Variants in PEAK1 observed in about 807,000 individuals in gnomAD.
PEAK1 encodes the protein inactive tyrosine-protein kinase PEAK1.
Under a neutral mutation model 124.7 loss-of-function variants are expected in PEAK1, and 54 were observed. That is an observed-to-expected ratio of 0.43 (90% CI 0.35 to 0.54). The LOEUF is 0.54. PEAK1 is among the 20% of genes least tolerant of loss of function. The pLI, the probability that PEAK1 is intolerant of heterozygous loss-of-function variation, is 0.01. For synonymous variants in PEAK1, 719 were observed against 760.0 expected (o/e 0.95, Z 0.89); for missense variants, 2,046 against 2,134.5 (o/e 0.96, Z 0.82).
intron 5 of PEAK1, among the ~76,000 whole-genome samples, chr15:77,282,577 G>T (rs2062728288): frequency 6.6e-6 from 1 of 152,150 alleles, no homozygotes; most frequent in Non-Finnish European, 1.5e-5. Flanking sequence ...GTTGACTCTA[G>T]ATCAGGAATT....
intron 2 of PEAK1, among the ~76,000 whole-genome samples, chr15:77,306,721 TC>T (rs891501636): frequency 5.9e-5 from 9 of 152,118 alleles, no homozygotes; most frequent in Admixed American, 1.3e-4. Flanking sequence ...ACCAAAGGCA[TC>T]CCAATTCCAA....
intron 2 of PEAK1, among the ~76,000 whole-genome samples, chr15:77,340,665 G>C (rs1367281209): frequency 6.6e-6 from 1 of 152,114 alleles, no homozygotes; most frequent in Non-Finnish European, 1.5e-5. Context: ...ATCAATATTG[G>C]TTCATTAATT....
chr15:77,231,678 T>C (rs1321986351), intron 6 of PEAK1, among the ~76,000 whole-genome samples: 1 of 152,140 alleles, frequency 6.6e-6, no homozygotes, highest in Non-Finnish European at 1.5e-5. Flanking sequence ...GATTCAAACC[T>C]CCAGAAATAA....
intron 2 of PEAK1, 128 bp from the exon 3 acceptor site, chr15:77,286,632 A>AT: frequency 2.2e-6 from 1 of 449,956 alleles, no homozygotes; most frequent in East Asian, 3.6e-5. Context: ...TGATGAACTT[A>AT]TTTTTAAGCT....
intron 1 of PEAK1, chr15:77,370,876 A>G (rs2068588285): frequency 2.0e-6 from 1 of 491,220 alleles, no homozygotes; most frequent in African/African-American, 2.1e-5. Context: ...CTAAAATACA[A>G]AAAATTAATC....
Position 77,114,360 on chromosome 15 carries a change from G to T in PEAK1, c.5037C>A (p.Thr1679=). ...TCCTCTGTACTAGGCTAGGGCAGGC[G>T]GTGAAAGTCTGGAAGAGATCTTCGC... is the stretch of plus-strand genomic sequence containing the variant. ...GPREDLFQTF[T]ACPSLVQRNT... is the part of the protein sequence containing the mutation. Residue 1679 remains threonine (T), a synonymous_variant, in exon 10 of 10, where the codon ACC becomes ACA. Transcript: ENST00000682557. 1.1e-5 allele frequency: 17 copies of T among 1,614,184 alleles called. No homozygotes were observed. The highest frequency in any genetic ancestry group is 1.3e-5 in the Non-Finnish European group (15 of 1,180,036).
intron 1 of PEAK1, among the ~76,000 whole-genome samples, chr15:77,400,695 G>A (rs966358553): frequency 6.6e-6 from 1 of 151,942 alleles, no homozygotes; most frequent in Admixed American, 6.6e-5. Flanking sequence ...TGAGATAGGA[G>A]GTAGAATGTA....
In PEAK1 at chr15:77,114,424, T is replaced by G. The variant is rs369800743; in HGVS notation, c.4973A>C (p.Asp1658Ala). Residue 1658 changes from aspartate to alanine, a missense_variant, in exon 10 of 10, where the codon GAC (aspartate) becomes GCC (alanine). Coordinates refer to ENST00000682557, the MANE Select transcript of PEAK1 (RefSeq NM_001385026.1). ...CAGACACTGGAGGATGCCTTTGGCG[T>G]CTGAAATGAGGATCCGCTCAGAAGG... ...PNPSERILIS[D>A]AKGILQCLLW... 6.2e-7 allele frequency: 1 copy of G among 1,614,030 alleles called. No individual in the cohort carries two copies. Among genetic ancestry groups the G allele is most frequent in the Non-Finnish European group, 8.5e-7 (1 of 1,180,036 alleles).
chr15:77,378,289 T>TA, intron 1 of PEAK1, among the ~76,000 whole-genome samples: 1 of 151,616 alleles, frequency 6.6e-6, no homozygotes, highest in Non-Finnish European at 1.5e-5. Context: ...ATGACAATTT[T>TA]ACGAAGCATC....
At chr15:77,351,708 C>T (rs928781553) in intron 2 of PEAK1, 3 of 981,958 alleles carry the variant, frequency 3.1e-6, no homozygotes, top group Admixed American at 1.2e-4. Flanking sequence ...GTGCCAAGAA[C>T]CTGGACACCC....
At chr15:77,406,540 A>G (rs2071836239) in intron 1 of PEAK1, among the ~76,000 whole-genome samples, 1 of 152,184 alleles carries the variant, frequency 6.6e-6, no homozygotes, top group African/African-American at 2.4e-5. Flanking sequence ...ATAGCTGCAA[A>G]AAACAAAATA....
chr15:77,296,713 T>G (rs1410636141), intron 2 of PEAK1, among the ~76,000 whole-genome samples: 1 of 151,694 alleles, frequency 6.6e-6, no homozygotes, highest in East Asian at 1.9e-4. Flanking sequence ...AATAAAATGG[T>G]AGAGGACGAG....
chr15:77,170,214 T>G (rs1447903029), intron 7 of PEAK1, among the ~76,000 whole-genome samples: 1 of 152,132 alleles, frequency 6.6e-6, no homozygotes, highest in Non-Finnish European at 1.5e-5. Flanking sequence ...AGTGTGGTTT[T>G]GTGGTAAACG....
intron 2 of PEAK1, chr15:77,332,094 A>G: frequency 4.2e-6 from 3 of 719,428 alleles, no homozygotes; most frequent in Non-Finnish European, 5.1e-6. Context: ...ACTGCATTCC[A>G]GCCTGGGTGA....
chr15:77,252,240 G>T, intron 6 of PEAK1, 127 bp downstream of exon 6: 1 of 492,850 alleles, frequency 2.0e-6, no homozygotes, highest in Non-Finnish European at 2.6e-6. Context: ...TGCTAAATAA[G>T]TTATAAAATG....
At chr15:77,254,414 C>T (rs899848551) in intron 5 of PEAK1, among the ~76,000 whole-genome samples, 6 of 151,798 alleles carry the variant, frequency 4.0e-5, no homozygotes, top group African/African-American at 1.2e-4. Flanking sequence ...ACCAAGTAAG[C>T]AGCAATGAGT....
In PEAK1 at chr15:77,120,996, T is replaced by C. The variant is rs1481270595; in HGVS notation, c.4078-5677A>G. Among the ~76,000 whole-genome samples, 6 of 152,242 alleles carry C rather than the reference T, an allele frequency of 3.9e-5. No individual in the cohort carries two copies. The East Asian group carries it at 1.2e-3, about 29-fold the overall frequency. On this transcript the variant is annotated intron_variant, in intron 9 of 9. Transcript: ENST00000682557. ...TGCTAAATACCCTAAACCCCCTTTC[T>C]GTGTTACTTCTATATCTTGTACATA... is the stretch of plus-strand genomic sequence containing the variant.
At chr15:77,249,163 C>T (rs1266486754) in intron 6 of PEAK1, among the ~76,000 whole-genome samples, 1 of 151,784 alleles carries the variant, frequency 6.6e-6, no homozygotes, top group Admixed American at 6.6e-5. Context: ...GGACAAATTG[C>T]ACATAGGCTT....
chr15:77,198,748 G>A (rs1026098831), intron 6 of PEAK1, among the ~76,000 whole-genome samples: 1 of 152,208 alleles, frequency 6.6e-6, no homozygotes, highest in African/African-American at 2.4e-5. Context: ...AAGGGAAAGT[G>A]AAGGAGCTAG....
Sources: gnomAD v4.1 joint callset for allele counts (sites outside exome capture counted in the v4.1 genomes callset) on GRCh38, gnomAD v4.1.1 for gene constraint, MANE v1.5 for transcripts, NCBI Gene and HGNC (gene_info 2026-07-23, HGNC 2026-07-21) for gene names.